The following PITPNC1 variants were observed in gnomAD, a reference collection of about 807,000 sequenced individuals.
PITPNC1 encodes cytoplasmic phosphatidylinositol transfer protein 1.
Under a neutral mutation model 44.7 loss-of-function variants are expected in PITPNC1, and 18 were observed. The observed-to-expected ratio is 0.40, with a 90% CI of 0.28 to 0.60. PITPNC1 has a LOEUF of 0.60. PITPNC1 is among the 20% of genes least tolerant of loss of function. The probability of loss-of-function intolerance (pLI) is 0.39; values close to 1 mark genes in which losing one functional copy is unlikely to be tolerated. For missense variants in PITPNC1, 290 were observed against 418.4 expected (o/e 0.69, Z 2.68); for synonymous variants, 141 against 149.6 (o/e 0.94, Z 0.42).
chr17:67,583,989 T>C (rs961059849), intron 5 of PITPNC1, among the ~76,000 whole-genome samples: 1 of 151,604 alleles, frequency 6.6e-6, no homozygotes, highest in African/African-American at 2.4e-5. Context: ...TCCGCCCGCC[T>C]CGGCTTCCCA....
chr17:67,384,001 C>T (rs1238517076), intron 1 of PITPNC1, among the ~76,000 whole-genome samples: 1 of 152,114 alleles, frequency 6.6e-6, no homozygotes, highest in Non-Finnish European at 1.5e-5. Context: ...CGCACCATCG[C>T]ACTCCAGCCT....
intron 2 of PITPNC1, among the ~76,000 whole-genome samples, chr17:67,544,536 C>A (rs1193587203): frequency 1.3e-5 from 2 of 152,246 alleles, no homozygotes; most frequent in African/African-American, 4.8e-5. Context: ...AGCTGCCAGT[C>A]AGGGAGGGTT....
At chr17:67,653,914 T>C (rs1404283784) in intron 6 of PITPNC1, among the ~76,000 whole-genome samples, 1 of 152,170 alleles carries the variant, frequency 6.6e-6, no homozygotes, top group African/African-American at 2.4e-5. Context: ...TTAAGATGCG[T>C]GAAGGCTGCC....
chr17:67,554,867 T>A (rs2144175165), intron 4 of PITPNC1, among the ~76,000 whole-genome samples: 1 of 152,356 alleles, frequency 6.6e-6, no homozygotes, highest in Admixed American at 6.5e-5. Flanking sequence ...GTTCTTGAAT[T>A]CACACTGGTC....
chr17:67,547,885 A>T (rs1314469034), intron 2 of PITPNC1, among the ~76,000 whole-genome samples: 1 of 152,188 alleles, frequency 6.6e-6, no homozygotes, highest in East Asian at 1.9e-4. Context: ...AATTTATGAC[A>T]TGAGAGATGA....
intron 2 of PITPNC1, among the ~76,000 whole-genome samples, chr17:67,549,954 G>A (rs1215130910): frequency 1.3e-5 from 2 of 152,092 alleles, no homozygotes; most frequent in South Asian, 2.1e-4. Context: ...GGCATATTGC[G>A]CTAGGGTGTG....
At chr17:67,682,157 C>T (rs1422086865) in intron 8 of PITPNC1, among the ~76,000 whole-genome samples, 2 of 151,948 alleles carry the variant, frequency 1.3e-5, no homozygotes, top group African/African-American at 4.8e-5. Flanking sequence ...GCCGAGATGG[C>T]GCCACTGCAC....
chr17:67,652,976 TC>T (rs2144370264), intron 6 of PITPNC1, among the ~76,000 whole-genome samples: 1 of 152,280 alleles, frequency 6.6e-6, no homozygotes, highest in East Asian at 1.9e-4. Flanking sequence ...ATGATGGGTG[TC>T]CTTATAAAAA....
intron 1 of PITPNC1, among the ~76,000 whole-genome samples, chr17:67,383,766 C>A (rs1008480858): frequency 6.6e-6 from 1 of 152,066 alleles, no homozygotes; most frequent in Non-Finnish European, 1.5e-5. Flanking sequence ...TGGCCAGGCG[C>A]GGTGGCTCAT....
At chr17:67,580,879 T>C (rs1384046103) in intron 5 of PITPNC1, among the ~76,000 whole-genome samples, 1 of 152,118 alleles carries the variant, frequency 6.6e-6, no homozygotes, top group Non-Finnish European at 1.5e-5. Context: ...TGAAACCCCA[T>C]CTCTGCAAAA....
intron 6 of PITPNC1, among the ~76,000 whole-genome samples, chr17:67,662,937 C>T (rs192272329): frequency 1.5e-4 from 23 of 152,192 alleles, no homozygotes; most frequent in African/African-American, 5.1e-4. Context: ...TGTAGTATTC[C>T]ATGGGCACCT....
At chr17:67,384,500 A>G (rs2038011606) in intron 1 of PITPNC1, among the ~76,000 whole-genome samples, 1 of 148,858 alleles carries the variant, frequency 6.7e-6, no homozygotes, top group Non-Finnish European at 1.5e-5. Flanking sequence ...ATCTCGGCTC[A>G]CTGCAAGCTC....
chr17:67,483,499 A>G (rs2039731150), intron 1 of PITPNC1, among the ~76,000 whole-genome samples: 1 of 152,228 alleles, frequency 6.6e-6, no homozygotes. Context: ...GAAAAGCAAT[A>G]CCATCTTTTA....
At chr17:67,615,995 C>T (rs2041753139) in intron 5 of PITPNC1, among the ~76,000 whole-genome samples, 1 of 152,166 alleles carries the variant, frequency 6.6e-6, no homozygotes, top group South Asian at 2.1e-4. Context: ...ATGAAAGGGC[C>T]ATTGTTGCAG....
At chr17:67,408,485 G>A (rs867283349) in intron 1 of PITPNC1, among the ~76,000 whole-genome samples, 1 of 152,016 alleles carries the variant, frequency 6.6e-6, no homozygotes. Flanking sequence ...AGCCAAGATC[G>A]TGCCACTACA....
chr17:67,678,010 C>G (rs1006618860), intron 8 of PITPNC1, among the ~76,000 whole-genome samples: 1 of 151,476 alleles, frequency 6.6e-6, no homozygotes, highest in Non-Finnish European at 1.5e-5. Context: ...CCCAGGAATT[C>G]GAGACCAGCA....
intron 1 of PITPNC1, among the ~76,000 whole-genome samples, chr17:67,479,742 A>G (rs1028796567): frequency 6.6e-6 from 1 of 152,210 alleles, no homozygotes; most frequent in African/African-American, 2.4e-5. Flanking sequence ...TCTGATTTCT[A>G]AAAGTACAGT....
intron 1 of PITPNC1, among the ~76,000 whole-genome samples, chr17:67,435,104 A>G (rs1418031505): frequency 2.0e-4 from 20 of 102,476 alleles, no homozygotes; most frequent in Non-Finnish European, 3.8e-4. Context: ...GCGAGACTCC[A>G]TCTCAAAAAA....
chr17:67,497,471 C>CT (rs5821470), intron 1 of PITPNC1, among the ~76,000 whole-genome samples: 33,142 of 129,218 alleles, frequency 0.26, 3,993 homozygotes, highest in Middle Eastern at 0.37. Context: ...AGGAAGTCGT[C>CT]TTTTTTTTTT....
Sources: gnomAD v4.1 joint callset for allele counts (sites outside exome capture counted in the v4.1 genomes callset) on GRCh38, gnomAD v4.1.1 for gene constraint, MANE v1.5 for transcripts, NCBI Gene and HGNC (gene_info 2026-07-23, HGNC 2026-07-21) for gene names.